LRPPRC: variants seen among roughly 807,000 people sequenced by gnomAD.
The protein encoded by LRPPRC is leucine rich pentatricopeptide repeat containing, also known as leucine-rich PPR motif-containing protein, mitochondrial.
LRPPRC carries 120 observed loss-of-function variants against 180.3 expected under a neutral mutation model. That is an observed-to-expected ratio of 0.67 (90% CI 0.57 to 0.77). LRPPRC has a LOEUF of 0.77. Ranked by LOEUF, LRPPRC falls within the 30% of genes least tolerant of loss-of-function variation. The pLI is 0.00. For synonymous variants in LRPPRC, 723 were observed against 600.0 expected, an observed-to-expected ratio of 1.21 and a Z score of -3.00; for missense variants, 2,012 against 1,657.2, an observed-to-expected ratio of 1.21 and a Z score of -3.72.
At chr2:43,905,830 G>T in intron 30 of LRPPRC, 50 bp from the exon 31 acceptor site, 1 of 1,104,306 alleles carries the variant, frequency 9.1e-7, no homozygotes, top group Non-Finnish European at 1.4e-6. Flanking sequence ...CTTCTGATAC[G>T]ATAATAAATG....
intron 22 of LRPPRC, among the ~76,000 whole-genome samples, chr2:43,944,393 A>T (rs1017001755): frequency 2.6e-5 from 4 of 152,130 alleles, no homozygotes; most frequent in African/African-American, 9.7e-5. Context: ...CTGCATGTTA[A>T]TACATTAGAT....
intron 23 of LRPPRC, among the ~76,000 whole-genome samples, chr2:43,940,922 C>A (rs558234360): frequency 4.8e-4 from 73 of 152,172 alleles, no homozygotes; most frequent in Middle Eastern, 6.8e-3. Context: ...TGAAATAATA[C>A]TCATTTGGAC....
chr2:43,899,147 A>G (rs1410355129), intron 34 of LRPPRC, 72 bp downstream of exon 34: 18 of 988,156 alleles, frequency 1.8e-5, no homozygotes, highest in Non-Finnish European at 2.7e-5. Flanking sequence ...CCACACGCCT[A>G]TGTCTAGTAA....
intron 37 of LRPPRC, among the ~76,000 whole-genome samples, chr2:43,889,232 T>C (rs1005357897): frequency 1.5e-4 from 20 of 136,848 alleles, no homozygotes; most frequent in African/African-American, 5.5e-4. Context: ...GGAGAATCGC[T>C]TGGACCTGGG....
intron 13 of LRPPRC, among the ~76,000 whole-genome samples, chr2:43,958,425 A>G (rs1482868883): frequency 6.6e-6 from 1 of 152,186 alleles, no homozygotes; most frequent in African/African-American, 2.4e-5. Context: ...GTCATGGCCC[A>G]TTTTAAGTGT....
chr2:43,961,806 CA>C (rs1673358070), intron 12 of LRPPRC, among the ~76,000 whole-genome samples: 1 of 151,934 alleles, frequency 6.6e-6, no homozygotes, highest in African/African-American at 2.4e-5. Context: ...ACTAAAAATA[CA>C]AAAATCAGCT....
intron 20 of LRPPRC, among the ~76,000 whole-genome samples, chr2:43,946,689 T>G (rs1284829530): frequency 6.6e-6 from 1 of 152,042 alleles, no homozygotes; most frequent in Admixed American, 6.6e-5. Flanking sequence ...AATCATAAAG[T>G]TAGTCATGAT....
Position 43,973,892 on chromosome 2 carries a change from C to A in LRPPRC, c.1164G>T (p.Glu388Asp), listed in dbSNP as rs373767258. The change falls in exon 10 of 38, where the codon GAG becomes GAT. Residue 388 changes from glutamate (E) to aspartate (D), a missense_variant. Transcript: ENST00000260665. Reference protein sequence around the residue: ...QHCVTMNTPVEKLTDYCKKLK... With the variant: ...QHCVTMNTPVDKLTDYCKKLK... ...ACTTCTTACAGTAGTCTGTTAGCTT[C>A]TCCACAGGCTGTGGGAAAAAAGTCA... 1.3e-6 allele frequency: 2 copies of A among 1,595,710 alleles called. No individual in the cohort carries two copies. Among genetic ancestry groups the A allele is most frequent in the Non-Finnish European group, 1.7e-6 (2 of 1,163,600 alleles).
Position 43,894,647 on chromosome 2 carries a change from G to T in LRPPRC, c.3901-18C>A. On this transcript the variant is annotated intron_variant, in intron 35 of 37. Transcript: ENST00000260665. ...GTTGATGCCTAGGAAATTACATAAAGGTAATATTATGAAAACCGCAAATTA... is the reference window on the plus strand; with the variant it reads ...GTTGATGCCTAGGAAATTACATAAATGTAATATTATGAAAACCGCAAATTA... 1 of 1,315,028 alleles carries T rather than the reference G, an allele frequency of 7.6e-7. No individual in the cohort carries two copies. The highest frequency in any genetic ancestry group is 1.1e-6 in the Non-Finnish European group (1 of 907,452). The allele number at this position is 1,315,028 out of a possible 1,614,324, so 81.5% of individuals were successfully genotyped here.
At chr2:43,981,519 C>T (rs1047499314) in intron 2 of LRPPRC, among the ~76,000 whole-genome samples, 7 of 151,902 alleles carry the variant, frequency 4.6e-5, no homozygotes, top group African/African-American at 1.5e-4. Flanking sequence ...ATTAGCTGGG[C>T]AGTGGCATGC....
At position 43,918,025 on chromosome 2, in the gene LRPPRC, C is replaced by G; in HGVS notation, c.3148G>C (p.Gly1050Arg). 1 of 1,595,784 alleles carries G rather than the reference C, an allele frequency of 6.3e-7. No individual in the cohort carries two copies. Among genetic ancestry groups the G allele is most frequent in the Non-Finnish European group, 8.6e-7 (1 of 1,165,356 alleles). The change falls in exon 29 of 38, where the codon GGG (glycine) becomes CGG (arginine). Residue 1050 changes from glycine to arginine, a missense_variant and splice_region_variant. By Grantham distance (125) the Gly-to-Arg change is moderately radical. Coordinates refer to ENST00000260665, the MANE Select transcript of LRPPRC (RefSeq NM_133259.4). ...CACCCCCATCCCCGTATGTGCTTGCCTTTTTTTTGGTTCAATCGGCAGGCA... is the reference window on the plus strand; with the variant it reads ...CACCCCCATCCCCGTATGTGCTTGCGTTTTTTTTGGTTCAATCGGCAGGCA... ...LIACRLNQKK[G>R]AYDIFLNAKE...
chr2:43,937,565 T>C (rs140067438), intron 23 of LRPPRC, among the ~76,000 whole-genome samples: 1 of 152,340 alleles, frequency 6.6e-6, no homozygotes, highest in Non-Finnish European at 1.5e-5. Flanking sequence ...AAGATAGCTA[T>C]GTAGTCATAG....
rs771701323 is a variant in LRPPRC at position 43,974,626 on chromosome 2, T to G, written c.997A>C (p.Arg333=). 3.1e-6 allele frequency: 5 copies of G among 1,590,552 alleles called. No homozygotes were observed. The South Asian group carries it at 4.4e-5, about 14-fold the overall frequency. ...EILEKVTCER[R]YIPDAMNLIL... ...TTTTTAAAACTACCTGGAATATATC[T>G]TCTTTCACATGTAACTTTTTCCAAA... is the stretch of plus-strand genomic sequence containing the variant. Residue 333 remains arginine (R), a synonymous_variant, in exon 8 of 38, where the codon AGA becomes CGA. Transcript: ENST00000260665.
intron 32 of LRPPRC, among the ~76,000 whole-genome samples, chr2:43,900,976 G>C (rs1257363958): frequency 6.6e-6 from 1 of 152,040 alleles, no homozygotes; most frequent in Non-Finnish European, 1.5e-5. Flanking sequence ...TATTCTACTA[G>C]TGTCCCTATC....
intron 4 of LRPPRC, 23 bp downstream of exon 4, chr2:43,977,132 T>C: frequency 6.2e-7 from 1 of 1,611,294 alleles, no homozygotes; most frequent in South Asian, 1.1e-5. Flanking sequence ...TGTGAAAATA[T>C]ATTCACAATA....
At chr2:43,903,723 CAT>C (rs75728217) in intron 31 of LRPPRC, 11,007 of 152,102 alleles carry the variant, frequency 0.072, 514 homozygotes, top group South Asian at 0.13. Flanking sequence ...GGGCACCTAA[CAT>C]AAAAATAAAG....
intron 14 of LRPPRC, among the ~76,000 whole-genome samples, chr2:43,956,599 T>G (rs536153282): frequency 1.3e-4 from 19 of 151,590 alleles, no homozygotes; most frequent in East Asian, 9.8e-4. Context: ...ACACAAAGGG[T>G]ATTACAGAGG....
At chr2:43,928,450 C>G (rs1372622721) in intron 25 of LRPPRC, among the ~76,000 whole-genome samples, 9 of 152,150 alleles carry the variant, frequency 5.9e-5, no homozygotes, top group Admixed American at 1.3e-4. Flanking sequence ...GAAATTTTCA[C>G]CTGTTCTGAT....
intron 14 of LRPPRC, 143 bp downstream of exon 14, chr2:43,957,242 T>A (rs1210508807): frequency 5.6e-6 from 4 of 708,988 alleles, no homozygotes; most frequent in African/African-American, 1.8e-5. Flanking sequence ...AAAGAAAAAA[T>A]TAAACAAGCA....
Sources: allele counts gnomAD v4.1 joint callset (sites outside exome capture counted in the v4.1 genomes callset), GRCh38; gene constraint gnomAD v4.1.1; transcripts MANE v1.5; gene names NCBI Gene and HGNC (gene_info 2026-07-23, HGNC 2026-07-21).